MYO10: variants seen among roughly 807,000 people sequenced by gnomAD.
The protein encoded by MYO10 is myosin X.
MYO10 carries 133 observed loss-of-function variants against 257.3 expected under a neutral mutation model. That is an observed-to-expected ratio of 0.52 (90% CI 0.45 to 0.60). The LOEUF (loss-of-function observed/expected upper bound fraction) is 0.60, where lower values mean the gene tolerates loss of function less well. MYO10 is among the 20% of genes least tolerant of loss of function. The probability of loss-of-function intolerance (pLI) is 0.00; values close to 1 mark genes in which losing one functional copy is unlikely to be tolerated. For synonymous variants in MYO10, 1,104 were observed against 1,028.6 expected (o/e 1.07, Z -1.40); for missense variants, 2,399 against 2,635.7 (o/e 0.91, Z 1.97).
intron 5 of MYO10, among the ~76,000 whole-genome samples, chr5:16,782,680 AT>A (rs1323575959): frequency 6.6e-6 from 1 of 152,210 alleles, no homozygotes; most frequent in East Asian, 1.9e-4. Context: ...CCCTGGACAA[AT>A]CTCTAAATAA....
At chr5:16,797,495 C>T (rs1278225398) in intron 3 of MYO10, among the ~76,000 whole-genome samples, 2 of 152,052 alleles carry the variant, frequency 1.3e-5, no homozygotes, top group African/African-American at 2.4e-5. Context: ...CAAAAAGAAG[C>T]GAAAGAAAAT....
At chr5:16,671,217 G>C (rs1265454108) in intron 38 of MYO10, among the ~76,000 whole-genome samples, 1 of 152,128 alleles carries the variant, frequency 6.6e-6, no homozygotes, top group Non-Finnish European at 1.5e-5. Flanking sequence ...CTGTCAACTA[G>C]AACAGTCCCT....
chr5:16,718,672 A>T (rs1240249052), intron 19 of MYO10, among the ~76,000 whole-genome samples: 4 of 148,528 alleles, frequency 2.7e-5, no homozygotes, highest in East Asian at 2.0e-4. Flanking sequence ...TTGTGAGTGC[A>T]CCAATCGACA....
Position 16,666,784 on chromosome 5 carries a change from C to G in MYO10, c.6085G>C (p.Val2029Leu), listed in dbSNP as rs527304467. 28 of 1,601,780 alleles carry G rather than the reference C, an allele frequency of 1.7e-5. No individual in the cohort carries two copies. In the South Asian group the frequency reaches 2.9e-4, roughly 17 times the overall value. ...ATGTAGGCTTTCATGAGCTTGGCCA[C>G]ATCCACCACCTGCCCAGGGGGAAGC... ...LLFETSEVVDVAKLMKAYISM... is the reference protein window; with the variant it reads ...LLFETSEVVDLAKLMKAYISM... Residue 2029 changes from valine (V) to leucine (L), a missense_variant, in exon 41 of 41, where the codon GTG (valine) becomes CTG (leucine). Physicochemically the swap from Val to Leu is conservative, Grantham distance 32. Transcript: ENST00000513610.
chr5:16,761,314 T>C (rs1000997292), intron 17 of MYO10, 150 bp downstream of exon 17: 8 of 642,630 alleles, frequency 1.2e-5, no homozygotes, highest in East Asian at 5.8e-5. Context: ...TGTTATACTT[T>C]TGAGTTACTT....
intron 19 of MYO10, among the ~76,000 whole-genome samples, chr5:16,730,676 C>T (rs1032211181): frequency 6.6e-6 from 1 of 152,184 alleles, no homozygotes; most frequent in African/African-American, 2.4e-5. Flanking sequence ...GAAACAAAGA[C>T]AGAATACAGA....
intron 1 of MYO10, chr5:16,916,187 C>T (rs971972987): frequency 2.2e-6 from 1 of 455,376 alleles, no homozygotes. Context: ...TCCGCCACGT[C>T]AGGGTCAGCT....
At chr5:16,927,490 A>C (rs1470733778) in intron 1 of MYO10, among the ~76,000 whole-genome samples, 1 of 151,914 alleles carries the variant, frequency 6.6e-6, no homozygotes, top group African/African-American at 2.4e-5. Flanking sequence ...ACGCCCAGCT[A>C]GTTTTTTGTA....
At chr5:16,907,368 T>C (rs999011016) in intron 1 of MYO10, among the ~76,000 whole-genome samples, 2 of 151,968 alleles carry the variant, frequency 1.3e-5, no homozygotes, top group African/African-American at 4.8e-5. Context: ...CCAAAAATAA[T>C]GGTTTCAGCA....
At chr5:16,848,814 A>T (rs1421445236) in intron 2 of MYO10, among the ~76,000 whole-genome samples, 1 of 152,130 alleles carries the variant, frequency 6.6e-6, no homozygotes, top group Admixed American at 6.5e-5. Flanking sequence ...TCCTGAGGAT[A>T]GAGACCATCT....
At chr5:16,818,505 C>T (rs2126705393) in intron 2 of MYO10, among the ~76,000 whole-genome samples, 1 of 151,480 alleles carries the variant, frequency 6.6e-6, no homozygotes, top group East Asian at 1.9e-4. Context: ...GGCATGATTA[C>T]AGCTCACCGC....
intron 3 of MYO10, among the ~76,000 whole-genome samples, chr5:16,816,753 C>A (rs1742628307): frequency 6.6e-6 from 1 of 151,508 alleles, no homozygotes. Flanking sequence ...ATGGTCCGAT[C>A]TCTTGATCTC....
At position 16,724,594 on chromosome 5, in the gene MYO10, G is replaced by A. The variant is rs547001961; in HGVS notation, c.1930-13349C>T. Reference sequence around the variant, plus strand: ...TTTTTTTTAATGACTCACATGACACGACTGGAATGTGTTTCTATGGGGGTT... The same window carrying A: ...TTTTTTTTAATGACTCACATGACACAACTGGAATGTGTTTCTATGGGGGTT... On this transcript the variant is annotated intron_variant, in intron 19 of 40. Transcript: ENST00000513610. Among the ~76,000 whole-genome samples, 4 of 151,942 alleles carry A rather than the reference G, an allele frequency of 2.6e-5. No homozygotes were observed. The East Asian group carries it at 5.8e-4, about 22-fold the overall frequency.
At chr5:16,782,398 T>G (rs1158863330) in intron 5 of MYO10, among the ~76,000 whole-genome samples, 1 of 152,154 alleles carries the variant, frequency 6.6e-6, no homozygotes, top group African/African-American at 2.4e-5. Flanking sequence ...TAAACACTAC[T>G]CATGAGTGTG....
At chr5:16,888,967 G>A (rs890086467) in intron 1 of MYO10, among the ~76,000 whole-genome samples, 3 of 152,062 alleles carry the variant, frequency 2.0e-5, no homozygotes, top group Admixed American at 6.5e-5. Context: ...GAGCTCAGAA[G>A]TTTGAGACTA....
intron 19 of MYO10, among the ~76,000 whole-genome samples, chr5:16,753,395 C>T (rs967277340): frequency 4.0e-5 from 6 of 151,692 alleles, no homozygotes; most frequent in Non-Finnish European, 1.5e-5. Flanking sequence ...TCTCCATCTC[C>T]TGACCTTGTG....
intron 3 of MYO10, among the ~76,000 whole-genome samples, chr5:16,812,133 T>A (rs1742461191): frequency 6.6e-6 from 1 of 151,824 alleles, no homozygotes. Context: ...AGGTTCAGGG[T>A]GGAAACCTGG....
intron 21 of MYO10, among the ~76,000 whole-genome samples, chr5:16,708,074 G>C (rs949599815): frequency 1.3e-5 from 2 of 152,168 alleles, no homozygotes; most frequent in African/African-American, 4.8e-5. Flanking sequence ...CAAGATCAAA[G>C]CTATCAAGAA....
At chr5:16,799,749 C>T (rs1276046269) in intron 3 of MYO10, among the ~76,000 whole-genome samples, 1 of 152,170 alleles carries the variant, frequency 6.6e-6, no homozygotes, top group Non-Finnish European at 1.5e-5. Flanking sequence ...CCACCTCAGC[C>T]TCCCAAAGTG....
Sources: allele counts gnomAD v4.1 joint callset (sites outside exome capture counted in the v4.1 genomes callset), GRCh38; gene constraint gnomAD v4.1.1; transcripts MANE v1.5; gene names NCBI Gene and HGNC (gene_info 2026-07-23, HGNC 2026-07-21).